Variants in TNKS2 observed in about 807,000 individuals in gnomAD.
The protein encoded by TNKS2 is poly [ADP-ribose] polymerase tankyrase-2.
In TNKS2, 72 loss-of-function variants were observed where a neutral mutation model predicts 137.6. The ratio of observed to expected loss-of-function variants is 0.52; its 90% confidence interval spans 0.43 to 0.64. The LOEUF is 0.64. Ranked by LOEUF, TNKS2 falls within the 30% of genes least tolerant of loss-of-function variation. The pLI is 0.00. For missense variants in TNKS2, 1,049 were observed against 1,410.2 expected, an observed-to-expected ratio of 0.74 and a Z score of 4.10; for synonymous variants, 516 against 512.1, an observed-to-expected ratio of 1.01 and a Z score of -0.10.
chr10:91,835,592 C>CTTTTTTTTTTT (rs35247985), intron 12 of TNKS2, among the ~76,000 whole-genome samples: 1 of 109,428 alleles, frequency 9.1e-6, no homozygotes, highest in Non-Finnish European at 1.8e-5. Flanking sequence ...CCCGGCCTTT[C>CTTTTTTTTTTT]TTTTTTTTTT....
intron 1 of TNKS2, among the ~76,000 whole-genome samples, chr10:91,810,702 GT>G (rs1844468206): frequency 6.6e-6 from 1 of 150,488 alleles, no homozygotes; most frequent in South Asian, 2.1e-4. Context: ...TAGAGACAGG[GT>G]TTCACCATGT....
Position 91,816,661 on chromosome 10 carries a change from A to G in TNKS2, c.425-473A>G, listed in dbSNP as rs1013959019. On this transcript the variant is annotated intron_variant, in intron 2 of 26. Coordinates refer to ENST00000371627, the MANE Select transcript of TNKS2 (RefSeq NM_025235.4). ...GCTATTCAGTTTTTTGTGTTTTTTAAAAAAGAATTTACCTGTGTGATTTTC... is the reference window on the plus strand; with the variant it reads ...GCTATTCAGTTTTTTGTGTTTTTTAGAAAAGAATTTACCTGTGTGATTTTC... Among the ~76,000 whole-genome samples, 5 of 150,112 alleles carry G rather than the reference A, an allele frequency of 3.3e-5. No individual in the cohort carries two copies. In the East Asian group the frequency reaches 1.0e-3, roughly 30 times the overall value.
In TNKS2 at chr10:91,864,464, G is replaced by A. The variant is rs1842930028; in HGVS notation, c.*1465G>A. 1.3e-5 allele frequency: 2 copies of A among 152,380 alleles called. No individual in the cohort carries two copies. The highest frequency in any genetic ancestry group is 2.9e-5 in the Non-Finnish European group (2 of 68,014). 9.4% of individuals were successfully genotyped at this position (152,380 alleles called of 1,614,324 possible). A position where few individuals can be genotyped will look rare whatever the true frequency, so the allele number is the denominator to read the frequency against. On this transcript the variant is annotated 3_prime_UTR_variant, in exon 27 of 27. Transcript: ENST00000371627. Reference sequence around the variant, plus strand: ...GGAAAGATCTTTACTCACTTAATGAGGACATTCCCCATCACTGTCTGTACC... The same window carrying A: ...GGAAAGATCTTTACTCACTTAATGAAGACATTCCCCATCACTGTCTGTACC...
chr10:91,822,476 TAGA>T, intron 7 of TNKS2, 114 bp downstream of exon 7: 1 of 793,616 alleles, frequency 1.3e-6, no homozygotes, highest in Middle Eastern at 2.4e-4. Flanking sequence ...CTTAAAAAAG[TAGA>T]AGTATTTATA....
intron 25 of TNKS2, among the ~76,000 whole-genome samples, chr10:91,860,065 G>A (rs1589699050): frequency 6.6e-6 from 1 of 152,036 alleles, no homozygotes; most frequent in Non-Finnish European, 1.5e-5. Context: ...ACTGTGATAC[G>A]ATCCTAATCC....
At chr10:91,835,636 T>C (rs1306499838) in intron 12 of TNKS2, among the ~76,000 whole-genome samples, 1 of 148,376 alleles carries the variant, frequency 6.7e-6, no homozygotes, top group African/African-American at 2.5e-5. Flanking sequence ...ATTTTATTTA[T>C]TTATTTTTGA....
intron 1 of TNKS2, among the ~76,000 whole-genome samples, chr10:91,806,785 G>T (rs1312064205): frequency 4.6e-5 from 7 of 152,064 alleles, no homozygotes; most frequent in Non-Finnish European, 8.8e-5. Flanking sequence ...CAAAATACAT[G>T]GATCTGACAA....
At chr10:91,862,365 T>A (rs538689141) in intron 26 of TNKS2, among the ~76,000 whole-genome samples, 9 of 152,322 alleles carry the variant, frequency 5.9e-5, no homozygotes, top group African/African-American at 1.9e-4. Flanking sequence ...TAATATTTTG[T>A]TCTCTTTTTT....
chr10:91,806,153 A>G (rs1244942785), intron 1 of TNKS2, among the ~76,000 whole-genome samples: 2 of 151,988 alleles, frequency 1.3e-5, no homozygotes, highest in African/African-American at 4.8e-5. Flanking sequence ...AATGTTGTTC[A>G]ACATGACAAA....
At chr10:91,814,639 A>G (rs1229941407) in intron 2 of TNKS2, among the ~76,000 whole-genome samples, 3 of 152,108 alleles carry the variant, frequency 2.0e-5, no homozygotes, top group Non-Finnish European at 4.4e-5. Flanking sequence ...CTTTTATACT[A>G]TATTTAGACA....
intron 20 of TNKS2, 136 bp from the exon 21 acceptor site, chr10:91,851,080 A>G: frequency 8.3e-7 from 1 of 1,199,064 alleles, no homozygotes; most frequent in South Asian, 1.6e-5. Context: ...TCTTATGCTA[A>G]ATGGAAATAA....
chr10:91,836,978 G>T lies in TNKS2; in HGVS notation c.1507G>T (p.Gly503Ter). 1 of 1,613,248 alleles carries T rather than the reference G, an allele frequency of 6.2e-7. No individual in the cohort carries two copies. Among genetic ancestry groups the T allele is most frequent in the South Asian group, 1.1e-5 (1 of 90,916 alleles). ...ACAATTGCTGGAAGCTGCAAAGGCT[G>T]GAGATGTCGAAACTGTAAAAGTAAG... ...DRQLLEAAKA[G>*]DVETVKKLCT... The change falls in exon 13 of 27, where the codon GGA (glycine) becomes TGA (stop). Residue 503 changes from glycine to a stop codon, truncating the protein, a stop_gained. Coordinates refer to ENST00000371627, the MANE Select transcript of TNKS2 (RefSeq NM_025235.4). LOFTEE classifies it high-confidence loss of function.
intron 4 of TNKS2, 55 bp downstream of exon 4, chr10:91,819,361 T>A: frequency 1.3e-5 from 2 of 153,774 alleles, no homozygotes; most frequent in Non-Finnish European, 2.1e-5. Flanking sequence ...TAACTTTTTC[T>A]TTTTTTTTTT....
At chr10:91,846,834 G>T (rs1225370666) in intron 18 of TNKS2, among the ~76,000 whole-genome samples, 2 of 152,124 alleles carry the variant, frequency 1.3e-5, no homozygotes, top group East Asian at 1.9e-4. Flanking sequence ...TGAACATTTG[G>T]AATTCATTCC....
In TNKS2 at chr10:91,813,082, CT is replaced by C; in HGVS notation, c.303del (p.Phe101LeufsTer6). 1 of 1,614,120 alleles carries C rather than the reference CT, an allele frequency of 6.2e-7. No individual in the cohort carries two copies. Among genetic ancestry groups the C allele is most frequent in the Non-Finnish European group, 8.5e-7 (1 of 1,180,026 alleles). ...GGLIPLHNAC[S>X]FGHAEVVNLL... ...CTTATTCCTCTTCATAATGCATGCT[CT>C]TTTGGTCATGCTGAAGTAGTCAATC... On this transcript the variant is annotated frameshift_variant, in exon 2 of 27. Coordinates refer to ENST00000371627, the MANE Select transcript of TNKS2 (RefSeq NM_025235.4). LOFTEE classifies it high-confidence loss of function.
chr10:91,840,625 AT>A lies in TNKS2; in HGVS notation c.1596del (p.Phe532LeufsTer53). 6.2e-7 allele frequency: 1 copy of A among 1,614,108 alleles called. No homozygotes were observed. The highest frequency in any genetic ancestry group is 8.5e-7 in the Non-Finnish European group (1 of 1,180,002). ...GAAGGGCGTCAGTCTACACCACTTC[AT>A]TTTGCAGCTGGGTATAACAGAGTGT... Reference protein sequence around the residue: ...DIEGRQSTPLHFAAGYNRVSV... With the variant: ...DIEGRQSTPLXFAAGYNRVSV... On this transcript the variant is annotated frameshift_variant, in exon 14 of 27. Transcript: ENST00000371627. LOFTEE classifies it high-confidence loss of function.
At position 91,859,388 on chromosome 10, in the gene TNKS2, C is replaced by T. The variant is rs189751670; in HGVS notation, c.3095-74C>T. Reference sequence around the variant, plus strand: ...GGCTATATATTTAAGAATTCAGTTTCTAAGAAACTAGTTTTTTACTTTTTA... The same window carrying T: ...GGCTATATATTTAAGAATTCAGTTTTTAAGAAACTAGTTTTTTACTTTTTA... On this transcript the variant is annotated intron_variant, in intron 24 of 26. Transcript: ENST00000371627. 2,278 of 1,257,810 alleles carry T rather than the reference C, an allele frequency of 1.8e-3. 1 individual carries two copies. The highest frequency in any genetic ancestry group is 2.0e-3 in the Non-Finnish European group (1,892 of 940,818). 77.9% of individuals were successfully genotyped at this position (1,257,810 alleles called of 1,614,324 possible). A position where few individuals can be genotyped will look rare whatever the true frequency, so the allele number is the denominator to read the frequency against.
intron 7 of TNKS2, among the ~76,000 whole-genome samples, chr10:91,826,374 C>T (rs1845071547): frequency 6.6e-6 from 1 of 152,064 alleles, no homozygotes; most frequent in African/African-American, 2.4e-5. Context: ...TCTGCATTAA[C>T]AGGATGATAA....
chr10:91,820,581 A>G (rs1844855460), intron 6 of TNKS2, among the ~76,000 whole-genome samples: 1 of 152,258 alleles, frequency 6.6e-6, no homozygotes, highest in Non-Finnish European at 1.5e-5. Flanking sequence ...GAAATAGGTA[A>G]GAACCAGGTT....
Sources: allele counts gnomAD v4.1 joint callset (sites outside exome capture counted in the v4.1 genomes callset), GRCh38; gene constraint gnomAD v4.1.1; transcripts MANE v1.5; gene names NCBI Gene and HGNC (gene_info 2026-07-23, HGNC 2026-07-21).